The following CBLN2 variants were observed in gnomAD, a reference collection of about 807,000 sequenced individuals.
The protein encoded by CBLN2 is cerebellin-2.
In CBLN2, 7 loss-of-function variants were observed where a neutral mutation model predicts 15.0. The ratio of observed to expected loss-of-function variants is 0.47; its 90% confidence interval spans 0.27 to 0.88. The LOEUF (loss-of-function observed/expected upper bound fraction) is 0.88. CBLN2 is among the 40% of genes least tolerant of loss of function. The pLI, the probability that CBLN2 is intolerant of heterozygous loss-of-function variation, is 0.14. For synonymous variants in CBLN2, 149 were observed against 135.2 expected (o/e 1.10, Z -0.71); for missense variants, 242 against 304.5 (o/e 0.79, Z 1.53).
intron 1 of CBLN2, among the ~76,000 whole-genome samples, chr18:72,632,708 G>A (rs2069785132): frequency 2.6e-5 from 4 of 152,132 alleles, no homozygotes; most frequent in African/African-American, 9.7e-5. Flanking sequence ...TCTTTCAAAT[G>A]TTACCCTCTA....
At chr18:72,571,405 A>G (rs973076291) in intron 1 of CBLN2, among the ~76,000 whole-genome samples, 3 of 152,180 alleles carry the variant, frequency 2.0e-5, no homozygotes, top group African/African-American at 7.2e-5. Flanking sequence ...GAGAAGCCAG[A>G]AAAAAAGAAA....
chr18:72,632,094 T>C (rs1422155384), intron 1 of CBLN2, among the ~76,000 whole-genome samples: 1 of 152,128 alleles, frequency 6.6e-6, no homozygotes, highest in East Asian at 1.9e-4. Context: ...ATTAGTATTT[T>C]TCATAGTTGA....
At chr18:72,567,612 A>G (rs1247493810) in intron 1 of CBLN2, among the ~76,000 whole-genome samples, 1 of 152,174 alleles carries the variant, frequency 6.6e-6, no homozygotes, top group East Asian at 1.9e-4. Context: ...TTCAGATTAA[A>G]TATTTCATAT....
rs1281951081 is a variant in CBLN2, at chr18:72,541,940, G to A, written c.221C>T (p.Ala74Val). Residue 74 changes from alanine (A) to valine (V), a missense_variant, in exon 3 of 5, where the codon GCG becomes GTG. Ala to Val is a moderately conservative substitution (Grantham distance 64). Around this residue, in one of 4 missense-constraint regions of CBLN2, gnomAD observed 89 missense variants for 114.2 expected, o/e 0.78. Transcript: ENST00000269503. ...CLVVCDSSPSADGAVTSSLGI... is the reference protein window; with the variant it reads ...CLVVCDSSPSVDGAVTSSLGI... ...TAGGGAGGAGGTGACGGCGCCGTCC[G>A]CCGACGGGCTGGAGTCGCACACCAC... The A allele has an allele frequency of 1.2e-6, 2 of 1,607,612 alleles. No individual in the cohort carries two copies. Among genetic ancestry groups the A allele is most frequent in the Non-Finnish European group, 1.7e-6 (2 of 1,179,446 alleles).
At chr18:72,625,704 A>G (rs1486900773) in intron 1 of CBLN2, among the ~76,000 whole-genome samples, 2 of 26,334 alleles carry the variant, frequency 7.6e-5, no homozygotes, top group Non-Finnish European at 1.4e-4. Flanking sequence ...ATTACTATAT[A>G]TATATATATA....
chr18:72,587,174 G>A (rs889878342), intron 1 of CBLN2, among the ~76,000 whole-genome samples: 1 of 152,102 alleles, frequency 6.6e-6, no homozygotes, highest in African/African-American at 2.4e-5. Context: ...GGAGTTTCCT[G>A]AAATCGGTTT....
At chr18:72,618,938 A>C (rs569313543) in intron 1 of CBLN2, 29 of 743,190 alleles carry the variant, frequency 3.9e-5, no homozygotes, top group South Asian at 3.9e-4. Context: ...TTCAGTGGTC[A>C]TGGTGGCTTT....
intron 1 of CBLN2, among the ~76,000 whole-genome samples, chr18:72,627,833 T>C (rs1327779680): frequency 1.3e-5 from 2 of 152,248 alleles, no homozygotes; most frequent in East Asian, 3.8e-4. Context: ...ATAAAAGTTG[T>C]TCTATTTCTT....
In CBLN2 at chr18:72,543,310, A is replaced by G; in HGVS notation, c.-167+176T>C. The G allele has an allele frequency of 2.6e-6, 1 of 381,830 alleles. No homozygotes were observed. The highest frequency in any genetic ancestry group is 4.6e-6 in the Non-Finnish European group (1 of 215,672). The allele number at this position is 381,830 out of a possible 1,614,324, so 23.7% of individuals were successfully genotyped here. ...ATTAACTCTTCCAGTATTCTTTCTA[A>G]GAACAGAGAAGTTGGCTCTTGATAA... On this transcript the variant is annotated intron_variant, in intron 2 of 4. Transcript: ENST00000269503. The surrounding 1 kb of genome is among the most constrained non-coding windows in gnomAD (Gnocchi z 6.8).
At chr18:72,636,877 A>G (rs1295903672) in intron 1 of CBLN2, among the ~76,000 whole-genome samples, 1 of 152,098 alleles carries the variant, frequency 6.6e-6, no homozygotes, top group Non-Finnish European at 1.5e-5. Flanking sequence ...TGTCATTCTT[A>G]CTATTGACAA....
chr18:72,628,518 G>C (rs1214520555), intron 1 of CBLN2, among the ~76,000 whole-genome samples: 2 of 152,140 alleles, frequency 1.3e-5, no homozygotes, highest in East Asian at 3.9e-4. Context: ...GGACGGAGAT[G>C]GCCCGGCCTT....
At chr18:72,607,956 T>C (rs977994779) in intron 1 of CBLN2, among the ~76,000 whole-genome samples, 3 of 152,210 alleles carry the variant, frequency 2.0e-5, no homozygotes, top group African/African-American at 4.8e-5. Context: ...GAGAATTGTA[T>C]TTAGTACAGG....
chr18:72,573,972 G>C (rs939850213), intron 1 of CBLN2, among the ~76,000 whole-genome samples: 1 of 152,004 alleles, frequency 6.6e-6, no homozygotes, highest in African/African-American at 2.4e-5. Context: ...TTCGATTTTC[G>C]CCATTCTTAT....
At chr18:72,557,602 A>T (rs1040652290) in intron 1 of CBLN2, among the ~76,000 whole-genome samples, 1 of 152,234 alleles carries the variant, frequency 6.6e-6, no homozygotes, top group African/African-American at 2.4e-5. Context: ...ACGTCCTTTG[A>T]AAGCACATGG....
chr18:72,559,779 C>T (rs1037625860), intron 1 of CBLN2, among the ~76,000 whole-genome samples: 1 of 152,130 alleles, frequency 6.6e-6, no homozygotes, highest in Non-Finnish European at 1.5e-5. Flanking sequence ...CTAAAGGGCG[C>T]TTCATATAGC....
intron 1 of CBLN2, among the ~76,000 whole-genome samples, chr18:72,623,635 G>A (rs1474099565): frequency 6.6e-6 from 1 of 152,070 alleles, no homozygotes; most frequent in East Asian, 1.9e-4. Flanking sequence ...ACAACCACTG[G>A]CCTGAGTTTG....
chr18:72,570,142 A>G (rs1386505151), intron 1 of CBLN2, among the ~76,000 whole-genome samples: 1 of 152,188 alleles, frequency 6.6e-6, no homozygotes, highest in Admixed American at 6.5e-5. Flanking sequence ...GATTTTGTGA[A>G]TGTATGGTCA....
Position 72,538,390 on chromosome 18 carries a change from A to G in CBLN2, c.478-17T>C. 6.2e-7 allele frequency: 1 copy of G among 1,613,012 alleles called. No individual in the cohort carries two copies. Among genetic ancestry groups the G allele is most frequent in the Non-Finnish European group, 8.5e-7 (1 of 1,179,216 alleles). ...TAAACTGACCTAAAATGCAGAGAGT[A>G]GAGCTCAGCAGACCATAAAGCACCC... On this transcript the variant is annotated splice_polypyrimidine_tract_variant and intron_variant, in intron 4 of 4. Transcript: ENST00000269503.
chr18:72,542,027 G>A lies in CBLN2; in HGVS notation c.134C>T (p.Ala45Val), dbSNP rs764214008. ...GTTCTGCGCCCGCACGGGGCAGCAG[G>A]CGGGCAGTAGCAGCAACAGCAGGGC... is the stretch of plus-strand genomic sequence containing the variant. ...ALALLLLLLPACCPVRAQNDT... is the reference protein window; with the variant it reads ...ALALLLLLLPVCCPVRAQNDT... The change falls in exon 3 of 5, where the codon GCC becomes GTC. Residue 45 changes from alanine (A) to valine (V), a missense_variant. Around this residue, in one of 4 missense-constraint regions of CBLN2, gnomAD observed 96 missense variants for 83.8 expected, o/e 1.15. Coordinates refer to ENST00000269503, the MANE Select transcript of CBLN2 (RefSeq NM_182511.4). 4 of 1,593,906 alleles carry A rather than the reference G, an allele frequency of 2.5e-6. No homozygotes were observed. In the Admixed American group the frequency reaches 5.1e-5, roughly 20 times the overall value.
Sources: gnomAD v4.1 joint callset for allele counts (sites outside exome capture counted in the v4.1 genomes callset) on GRCh38, gnomAD v4.1.1 for gene constraint, gnomAD v4.1.1 regional missense constraint, Gnocchi (gnomAD v3.1) non-coding constraint, MANE v1.5 for transcripts, NCBI Gene and HGNC (gene_info 2026-07-23, HGNC 2026-07-21) for gene names.